PRPF3: variants seen among roughly 807,000 people sequenced by gnomAD.
PRPF3 encodes the protein pre-mRNA processing factor 3.
Under a neutral mutation model 89.2 loss-of-function variants are expected in PRPF3, and 3 were observed. That is an observed-to-expected ratio of 0.03 (90% CI 0.02 to 0.09). The LOEUF is 0.09. Among genes scored for constraint, PRPF3 ranks in the 10% least tolerant of loss-of-function variants. The pLI is 1.00. For missense variants in PRPF3, 463 were observed against 828.8 expected (o/e 0.56, Z 5.42); for synonymous variants, 270 against 289.1 (o/e 0.93, Z 0.67).
chr1:150,349,097 A>G, intron 14 of PRPF3, 60 bp from the exon 15 acceptor site: 1 of 1,336,180 alleles, frequency 7.5e-7, no homozygotes, highest in South Asian at 1.2e-5. Flanking sequence ...GTAGACTTGA[A>G]TATTATTTGT....
chr1:150,328,557 T>TTTTC (rs1238637509), intron 4 of PRPF3, 91 bp downstream of exon 4: 1 of 1,385,666 alleles, frequency 7.2e-7, no homozygotes, highest in African/African-American at 1.5e-5. Context: ...ATTTTTTTTT[T>TTTTC]TTTTTTTTTT....
At chr1:150,345,957 C>T in intron 12 of PRPF3, 61 bp from the exon 13 acceptor site, 2 of 1,297,232 alleles carry the variant, frequency 1.5e-6, no homozygotes, top group East Asian at 2.3e-5. Flanking sequence ...TTACTTGCCA[C>T]TCCATTCAGG....
rs782084489 is a variant in PRPF3 at position 150,328,298 on chromosome 1, C to T, written c.277-22C>T. 15 of 1,613,548 alleles carry T rather than the reference C, an allele frequency of 9.3e-6. No individual in the cohort carries two copies. In the South Asian group the frequency reaches 9.9e-5, roughly 11 times the overall value. ...CCCCACGGGGAGGGATACAGCTTTT[C>T]TTTCATCTTGGGTTCCCTTAGGAGG... On this transcript the variant is annotated intron_variant, in intron 3 of 15. Coordinates refer to ENST00000324862, the MANE Select transcript of PRPF3 (RefSeq NM_004698.4).
intron 15 of PRPF3, among the ~76,000 whole-genome samples, chr1:150,352,448 G>A (rs941335030): frequency 6.6e-6 from 1 of 152,210 alleles, no homozygotes; most frequent in African/African-American, 2.4e-5. Context: ...GGAGGATCAC[G>A]AGGTCAGGAG....
At position 150,333,274 on chromosome 1, in the gene PRPF3, A is replaced by G. The variant is rs943197747; in HGVS notation, c.728+75A>G. 8.6e-6 allele frequency: 13 copies of G among 1,509,528 alleles called. 1 individual carries two copies. The South Asian group carries it at 1.3e-4, about 15-fold the overall frequency. The allele number at this position is 1,509,528 out of a possible 1,614,324, so 93.5% of individuals were successfully genotyped here. A position where few individuals can be genotyped will look rare whatever the true frequency, so the allele number is the denominator to read the frequency against. ...CAATAAATACCTTTGAATGTTACTG[A>G]TCTGGCTGGGCGCAGTGCCTCAGGC... On this transcript the variant is annotated intron_variant, in intron 6 of 15. Coordinates refer to ENST00000324862, the MANE Select transcript of PRPF3 (RefSeq NM_004698.4).
Position 150,346,401 on chromosome 1 carries a change from T to A in PRPF3, c.1760-7T>A. 6.2e-7 allele frequency: 1 copy of A among 1,612,950 alleles called. No homozygotes were observed. Among genetic ancestry groups the A allele is most frequent in the South Asian group, 1.1e-5 (1 of 91,076 alleles). ...GTTCTGGCAAAATTATTCTTCTCTG[T>A]TTCCAGGCCCCAAGGCCCAGAAGAA... On this transcript the variant is annotated splice_polypyrimidine_tract_variant and splice_region_variant and intron_variant, in intron 13 of 15. Coordinates refer to ENST00000324862, the MANE Select transcript of PRPF3 (RefSeq NM_004698.4).
chr1:150,323,952 G>T (rs1655405470), intron 1 of PRPF3, among the ~76,000 whole-genome samples: 1 of 151,514 alleles, frequency 6.6e-6, no homozygotes, highest in Admixed American at 6.6e-5. Context: ...AAATTTTTTT[G>T]TAGTTTTTAG....
intron 2 of PRPF3, 93 bp downstream of exon 2, chr1:150,325,180 T>TA (rs1315813231): frequency 7.6e-6 from 11 of 1,451,154 alleles, no homozygotes; most frequent in Non-Finnish European, 1.0e-5. Flanking sequence ...TGGGAACATC[T>TA]AAAAAAATGG....
At chr1:150,351,213 C>T (rs938905626) in intron 15 of PRPF3, among the ~76,000 whole-genome samples, 6 of 150,928 alleles carry the variant, frequency 4.0e-5, no homozygotes, top group African/African-American at 1.2e-4. Flanking sequence ...TGCAGTGAGC[C>T]GAGATCGCAC....
At chr1:150,323,727 G>A (rs952708656) in intron 1 of PRPF3, among the ~76,000 whole-genome samples, 2 of 151,464 alleles carry the variant, frequency 1.3e-5, no homozygotes, top group East Asian at 3.9e-4. Flanking sequence ...TTACCTGTAT[G>A]CAGAATTCCC....
intron 7 of PRPF3, among the ~76,000 whole-genome samples, chr1:150,337,584 T>C (rs897244645): frequency 2.0e-5 from 3 of 151,466 alleles, no homozygotes; most frequent in Non-Finnish European, 4.4e-5. Flanking sequence ...GAGACCATCC[T>C]GGCTAACATG....
Position 150,332,950 on chromosome 1 carries a change from C to T in PRPF3, c.508-29C>T, listed in dbSNP as rs185722311. Reference sequence around the variant, plus strand: ...GTGTGTTTGTCTGCCTGTCTTAATTCCTCTGATTTCTTTTTCTCTATCTCA... The same window carrying T: ...GTGTGTTTGTCTGCCTGTCTTAATTTCTCTGATTTCTTTTTCTCTATCTCA... On this transcript the variant is annotated intron_variant, in intron 5 of 15. Transcript: ENST00000324862. The T allele has an allele frequency of 2.7e-4, 429 of 1,587,672 alleles. 1 individual carries two copies. The African/African-American group carries it at 4.8e-3, about 18-fold the overall frequency.
intron 1 of PRPF3, among the ~76,000 whole-genome samples, chr1:150,322,278 G>A (rs1484459568): frequency 6.6e-6 from 1 of 152,100 alleles, no homozygotes; most frequent in Non-Finnish European, 1.5e-5. Context: ...TGTATCCACC[G>A]CACCTAGTAC....
At chr1:150,324,674 A>G (rs1298143416) in intron 1 of PRPF3, among the ~76,000 whole-genome samples, 1 of 151,606 alleles carries the variant, frequency 6.6e-6, no homozygotes, top group East Asian at 2.0e-4. Context: ...CCTCCCAAGT[A>G]GCTGGGATTA....
chr1:150,341,400 A>T (rs200254010), intron 9 of PRPF3, among the ~76,000 whole-genome samples: 226 of 101,736 alleles, frequency 2.2e-3, no homozygotes, highest in Middle Eastern at 5.6e-3. Flanking sequence ...AGTTGCTTCT[A>T]TTTTTTTTTT....
intron 1 of PRPF3, among the ~76,000 whole-genome samples, chr1:150,324,635 C>G (rs1048546126): frequency 6.6e-6 from 1 of 151,044 alleles, no homozygotes; most frequent in East Asian, 1.9e-4. Context: ...GTTGCAAGCT[C>G]TACCTCCCTG....
chr1:150,349,053 C>A, intron 14 of PRPF3, 104 bp from the exon 15 acceptor site: 2 of 963,540 alleles, frequency 2.1e-6, no homozygotes, highest in Non-Finnish European at 3.4e-6. Context: ...TGGTCCAACA[C>A]ATAAAAAGGG....
chr1:150,329,285 G>A (rs1560089751), intron 4 of PRPF3, among the ~76,000 whole-genome samples: 1 of 151,932 alleles, frequency 6.6e-6, no homozygotes, highest in African/African-American at 2.4e-5. Flanking sequence ...CACCTCAGCC[G>A]CCCAAATGGC....
At chr1:150,352,111 C>A (rs1436293590) in intron 15 of PRPF3, among the ~76,000 whole-genome samples, 2 of 152,130 alleles carry the variant, frequency 1.3e-5, no homozygotes, top group African/African-American at 2.4e-5. Context: ...TCTGCTGGTA[C>A]CTGCTCTTCT....
Sources: allele counts gnomAD v4.1 joint callset (sites outside exome capture counted in the v4.1 genomes callset), GRCh38; gene constraint gnomAD v4.1.1; transcripts MANE v1.5; gene names NCBI Gene and HGNC (gene_info 2026-07-23, HGNC 2026-07-21).